Variants in SANBR observed in about 807,000 individuals in gnomAD.
SANBR encodes SANT and BTB domain regulator of CSR, also known as SANT and BTB domain regulator of class switch recombination.
In SANBR, 77 loss-of-function variants were observed where a neutral mutation model predicts 101.8. That is an observed-to-expected ratio of 0.76 (90% CI 0.63 to 0.91). The LOEUF (loss-of-function observed/expected upper bound fraction) is 0.91, where lower values mean the gene tolerates loss of function less well. Among genes scored for constraint, SANBR ranks in the 40% least tolerant of loss-of-function variants. The pLI is 0.00. For synonymous variants in SANBR, 279 were observed against 274.7 expected (o/e 1.02, Z -0.15); for missense variants, 875 against 853.0 (o/e 1.03, Z -0.32).
At chr2:61,090,718 T>TTG (rs58195165) in intron 10 of SANBR, 9,174 of 143,184 alleles carry the variant, frequency 0.064, 392 homozygotes, top group African/African-American at 0.13. Flanking sequence ...GGCACAGGGT[T>TTG]TGTGTGTGTG....
At chr2:61,066,974 G>A (rs1681208943) in intron 1 of SANBR, among the ~76,000 whole-genome samples, 1 of 152,038 alleles carries the variant, frequency 6.6e-6, no homozygotes, top group Non-Finnish European at 1.5e-5. Flanking sequence ...GAATGGGAGT[G>A]GATTTCATAG....
At chr2:61,129,063 G>A (rs1361460855), downstream of SANBR, among the ~76,000 whole-genome samples, 2 of 152,160 alleles carry the variant, frequency 1.3e-5, no homozygotes, top group Non-Finnish European at 2.9e-5. Flanking sequence ...TTTCAAATAT[G>A]AAGGCAAAAT....
At chr2:61,081,805 C>T (rs867401926) in intron 7 of SANBR, among the ~76,000 whole-genome samples, 9 of 152,040 alleles carry the variant, frequency 5.9e-5, no homozygotes, top group Admixed American at 3.3e-4. Context: ...CATGCCACTA[C>T]GCCCAGCTAA....
Position 61,133,525 on chromosome 2 carries a change from G to A in SANBR, c.2029-612G>A, listed in dbSNP as rs2104994538. Among the ~76,000 whole-genome samples, 2 of 152,144 alleles carry A rather than the reference G, an allele frequency of 1.3e-5. 1 individual carries two copies. On this transcript the variant is annotated intron_variant, in intron 20 of 21. Coordinates refer to the SANBR transcript ENST00000295031. Reference sequence around the variant, plus strand: ...CCCAGCACTTTGGGAGGCCAAGGAAGGAGGATTGCTTGAGCCCAGGAGTTC... The same window carrying A: ...CCCAGCACTTTGGGAGGCCAAGGAAAGAGGATTGCTTGAGCCCAGGAGTTC...
rs554179558 is a variant in SANBR, at chr2:61,094,412, A to G, written c.1212+1825A>G. Among the ~76,000 whole-genome samples, 64 of 152,312 alleles carry G rather than the reference A, an allele frequency of 4.2e-4. 1 individual carries two copies. The highest frequency in any genetic ancestry group is 2.1e-4 in the Non-Finnish European group (14 of 68,028). ...TTGAATCTAGCTTCCTTCACTTCGA[A>G]TAATGGATGTAAAATCTATCCATGT... On this transcript the variant is annotated intron_variant, in intron 11 of 21. Transcript: ENST00000402291.
downstream of SANBR, among the ~76,000 whole-genome samples, chr2:61,127,967 A>C (rs2104985254): frequency 1.3e-5 from 2 of 152,318 alleles, no homozygotes; most frequent in South Asian, 4.1e-4. Flanking sequence ...AGCTTGAAGA[A>C]GCAAGAGAAA....
chr2:61,079,936 G>A (rs909275580), intron 6 of SANBR, among the ~76,000 whole-genome samples: 10 of 151,294 alleles, frequency 6.6e-5, no homozygotes, highest in South Asian at 2.1e-4. Flanking sequence ...TCTGGCTCAC[G>A]CCTGTAATCC....
chr2:61,114,176 T>TA (rs1174939696), intron 16 of SANBR, among the ~76,000 whole-genome samples: 2 of 152,202 alleles, frequency 1.3e-5, no homozygotes, highest in Admixed American at 1.3e-4. Context: ...ACACAGATAT[T>TA]ATGCTTGTCT....
chr2:61,103,803 G>C lies in SANBR; in HGVS notation c.1366-50G>C, dbSNP rs757436290. 2.0e-6 allele frequency: 3 copies of C among 1,534,532 alleles called. No individual in the cohort carries two copies. The African/African-American group carries it at 4.1e-5, about 21-fold the overall frequency. ...AAAAGAAAAACAGTGATCTTTAAAG[G>C]AGTGTTCTATAACAAACTAACCTCT... On this transcript the variant is annotated intron_variant, in intron 12 of 21. Coordinates refer to ENST00000402291, the MANE Select transcript of SANBR (RefSeq NM_001129993.3).
At position 61,100,243 on chromosome 2, in the gene SANBR, T is replaced by A. The variant is rs570985039; in HGVS notation, c.1365+2391T>A. Among the ~76,000 whole-genome samples, 347 of 152,286 alleles carry A rather than the reference T, an allele frequency of 2.3e-3. 1 individual carries two copies. The highest frequency in any genetic ancestry group is 7.8e-3 in the African/African-American group (323 of 41,566). ...CGTCAGCCTCCCAAGTAGCTGGGAT[T>A]ACAGGCATGTGCCACCATGCCTGGC... On this transcript the variant is annotated intron_variant, in intron 12 of 21. Coordinates refer to ENST00000402291, the MANE Select transcript of SANBR (RefSeq NM_001129993.3).
rs1363427197 is a variant in SANBR, at chr2:61,109,677, G to GTTTTTTTT, written c.1744+384_1744+385insTTTTTTTT. On this transcript the variant is annotated intron_variant, in intron 16 of 21. Transcript: ENST00000402291. ...TTAGTGGAAAGCATGTTTTTTTTGTGTTTGTTTTTTTTTTTTTTTTTTTGA... is the reference window on the plus strand; with the variant it reads ...TTAGTGGAAAGCATGTTTTTTTTGTGTTTTTTTTTTTGTTTTTTTTTTTTTTTTTTTGA... Among the ~76,000 whole-genome samples, 5 of 109,494 alleles carry GTTTTTTTT rather than the reference G, an allele frequency of 4.6e-5. 1 individual carries two copies. The highest frequency in any genetic ancestry group is 1.0e-4 in the African/African-American group (3 of 29,146). The allele number at this position is 109,494 out of a possible 152,430, so 71.8% of individuals were successfully genotyped here.
chr2:61,133,973 A>G (rs1373136243), intron 20 of SANBR, among the ~76,000 whole-genome samples: 1 of 152,222 alleles, frequency 6.6e-6, no homozygotes, highest in Admixed American at 6.5e-5. Flanking sequence ...CTGTTTCAAA[A>G]AGGCCAGTAT....
intron 16 of SANBR, among the ~76,000 whole-genome samples, chr2:61,110,188 A>G (rs1242452924): frequency 6.6e-6 from 1 of 152,038 alleles, no homozygotes; most frequent in African/African-American, 2.4e-5. Context: ...GGTTTTTGAG[A>G]TTCATTCATA....
In SANBR at chr2:61,073,557, C is replaced by T. The variant is rs142573176; in HGVS notation, c.431+6C>T. 465 of 1,522,016 alleles carry T rather than the reference C, an allele frequency of 3.1e-4. 3 individuals carry two copies. In the African/African-American group the frequency reaches 4.2e-3, roughly 14 times the overall value. The allele number at this position is 1,522,016 out of a possible 1,614,324, so 94.3% of individuals were successfully genotyped here. Reference sequence around the variant, plus strand: ...ATGACTGAAGAATCTGAAGGGTAGGCGGCTGGTTGTTTGCTAGATAAGATT... The same window carrying T: ...ATGACTGAAGAATCTGAAGGGTAGGTGGCTGGTTGTTTGCTAGATAAGATT... On this transcript the variant is annotated splice_donor_region_variant and intron_variant, in intron 5 of 21. Coordinates refer to ENST00000402291, the MANE Select transcript of SANBR (RefSeq NM_001129993.3).
chr2:61,112,727 C>T lies in SANBR; in HGVS notation c.1745-3252C>T, dbSNP rs570796939. 2.0e-5 allele frequency among the ~76,000 whole-genome samples: 3 copies of T among 152,322 alleles called. No individual in the cohort carries two copies. In the South Asian group the frequency reaches 6.2e-4, roughly 32 times the overall value. Reference sequence around the variant, plus strand: ...GGAGCTGGTCTCGAACTCCTGACCTCAGGTGATCCGCCTGCCTCGGCCTCC... The same window carrying T: ...GGAGCTGGTCTCGAACTCCTGACCTTAGGTGATCCGCCTGCCTCGGCCTCC... On this transcript the variant is annotated intron_variant, in intron 16 of 21. Transcript: ENST00000402291.
rs78683728 is a variant in SANBR at position 61,099,950 on chromosome 2, A to C, written c.1365+2098A>C. Among the ~76,000 whole-genome samples, 962 of 152,270 alleles carry C rather than the reference A, an allele frequency of 6.3e-3. 7 individuals are homozygous for C. Among genetic ancestry groups the C allele is most frequent in the African/African-American group, 0.022 (918 of 41,556 alleles). On this transcript the variant is annotated intron_variant, in intron 12 of 21. Coordinates refer to ENST00000402291, the MANE Select transcript of SANBR (RefSeq NM_001129993.3). ...TAGGTGTGAAGAGCTATTTTGGTGG[A>C]GTGCTAGATCCAGAAGCCAGGTTTT...
chr2:61,068,557 A>G (rs901301328), intron 1 of SANBR, among the ~76,000 whole-genome samples: 3 of 152,218 alleles, frequency 2.0e-5, no homozygotes, highest in East Asian at 1.9e-4. Context: ...TCCTTACAGT[A>G]TAGCTGAGAC....
At chr2:61,091,619 G>A (rs1682764976) in intron 10 of SANBR, among the ~76,000 whole-genome samples, 1 of 29,542 alleles carries the variant, frequency 3.4e-5, no homozygotes, top group South Asian at 1.8e-3. Flanking sequence ...AATTAGCCAG[G>A]TGTGATGACA....
intron 10 of SANBR, 131 bp from the exon 11 acceptor site, chr2:61,092,333 A>G: frequency 1.8e-6 from 1 of 567,526 alleles, no homozygotes; most frequent in South Asian, 4.7e-5. Flanking sequence ...ACAGTGAGCC[A>G]AGATCATGCC....
Sources: allele counts gnomAD v4.1 joint callset (sites outside exome capture counted in the v4.1 genomes callset), GRCh38; gene constraint gnomAD v4.1.1; transcripts MANE v1.5; gene names NCBI Gene and HGNC (gene_info 2026-07-23, HGNC 2026-07-21).